BOLL: variants seen among roughly 807,000 people sequenced by gnomAD.
BOLL encodes the protein protein boule-like.
Under a neutral mutation model 44.4 loss-of-function variants are expected in BOLL, and 23 were observed. The ratio of observed to expected loss-of-function variants is 0.52; its 90% CI spans 0.37 to 0.73. The LOEUF (loss-of-function observed/expected upper bound fraction) is 0.73, where lower values mean the gene tolerates loss of function less well. Among genes scored for constraint, BOLL ranks in the 30% least tolerant of loss-of-function variants. BOLL has a pLI of 0.00. For missense variants in BOLL, 287 were observed against 338.3 expected (o/e 0.85, Z 1.19); for synonymous variants, 97 against 110.8 (o/e 0.88, Z 0.78).
chr2:197,781,773 T>A lies in BOLL; in HGVS notation c.78A>T (p.Arg26Ser), dbSNP rs1471500906. 6.2e-7 allele frequency: 1 copy of A among 1,606,452 alleles called. No homozygotes were observed. The highest frequency in any genetic ancestry group is 1.3e-5 in the African/African-American group (1 of 74,978). ...VPLNNPTSAPRYGTVIPNRIF... is the reference protein window; with the variant it reads ...VPLNNPTSAPSYGTVIPNRIF... The stretch of plus-strand genomic sequence containing the variant: ...TGCGATTAGGGATCACTGTTCCATA[T>A]CTTGGGGCACTTGTTGGGTTATTCA... Residue 26 changes from arginine (R) to serine (S), a missense_variant, in exon 2 of 11, where the codon AGA (arginine) becomes AGT (serine). Coordinates refer to ENST00000392296, the MANE Select transcript of BOLL (RefSeq NM_033030.6).
intron 10 of BOLL, among the ~76,000 whole-genome samples, chr2:197,729,827 A>G (rs1341907017): frequency 6.6e-6 from 1 of 151,712 alleles, no homozygotes; most frequent in Admixed American, 6.6e-5. Flanking sequence ...CACCATCATC[A>G]AAGACCAAAA....
rs974474879 is a variant in BOLL at position 197,728,945 on chromosome 2, T to A, written c.829-367A>T. Among the ~76,000 whole-genome samples, 3 of 152,164 alleles carry A rather than the reference T, an allele frequency of 2.0e-5. No homozygotes were observed. In the East Asian group the frequency reaches 5.8e-4, roughly 29 times the overall value. On this transcript the variant is annotated intron_variant, in intron 10 of 10. Transcript: ENST00000392296. ...GGGAATAGTATTTTTGGCAGGAGGC[T>A]ATTTAGAACGCTGTCCAGGGGAGGA...
At chr2:197,734,761 A>G (rs1687399939) in intron 10 of BOLL, among the ~76,000 whole-genome samples, 1 of 152,168 alleles carries the variant, frequency 6.6e-6, no homozygotes, top group African/African-American at 2.4e-5. Flanking sequence ...TTGAACAATG[A>G]GAAAACTTGG....
chr2:197,747,319 C>A (rs957554039), intron 9 of BOLL, among the ~76,000 whole-genome samples: 1 of 151,938 alleles, frequency 6.6e-6, no homozygotes, highest in African/African-American at 2.4e-5. Flanking sequence ...CGCAGTGGCT[C>A]ACGCCTGTAA....
At chr2:197,754,695 T>C (rs1688424818) in intron 9 of BOLL, among the ~76,000 whole-genome samples, 1 of 147,956 alleles carries the variant, frequency 6.8e-6, no homozygotes. Flanking sequence ...GCCTGGGCGA[T>C]GGAGCAAGAC....
intron 7 of BOLL, among the ~76,000 whole-genome samples, chr2:197,758,477 G>A (rs1688612632): frequency 6.6e-6 from 1 of 152,152 alleles, no homozygotes; most frequent in South Asian, 2.1e-4. Flanking sequence ...AGAAAAACAG[G>A]TAAGTAGATT....
chr2:197,755,955 G>A (rs2106348894), intron 9 of BOLL: 1 of 152,282 alleles, frequency 6.6e-6, no homozygotes, highest in East Asian at 1.9e-4. Context: ...GCATACAGAT[G>A]GTGAAGCTAT....
intron 7 of BOLL, among the ~76,000 whole-genome samples, chr2:197,761,828 C>G (rs1232646981): frequency 6.6e-6 from 1 of 152,046 alleles, no homozygotes; most frequent in Non-Finnish European, 1.5e-5. Context: ...AAACCAACTT[C>G]AAGTTAAAAG....
chr2:197,734,311 C>T (rs1687366092), intron 10 of BOLL, among the ~76,000 whole-genome samples: 1 of 151,980 alleles, frequency 6.6e-6, no homozygotes, highest in Non-Finnish European at 1.5e-5. Context: ...AGTCAGGAAA[C>T]AACAGGTGCT....
chr2:197,763,349 G>T (rs1159135895), intron 7 of BOLL, among the ~76,000 whole-genome samples: 1 of 151,572 alleles, frequency 6.6e-6, no homozygotes, highest in Non-Finnish European at 1.5e-5. Context: ...GGGTGTAGTG[G>T]CGGGCGCCTG....
intron 7 of BOLL, 87 bp from the exon 8 acceptor site, chr2:197,757,487 G>A (rs1688571135): frequency 8.8e-7 from 1 of 1,136,472 alleles, no homozygotes; most frequent in South Asian, 1.4e-5. Context: ...ATATGAAGTT[G>A]GACCCTCACA....
intron 10 of BOLL, among the ~76,000 whole-genome samples, chr2:197,730,813 G>T (rs997960953): frequency 2.2e-4 from 33 of 152,132 alleles, no homozygotes; most frequent in African/African-American, 7.7e-4. Context: ...CCTAAAGGAA[G>T]CACTAAACAT....
At chr2:197,768,681 A>T (rs984614113) in intron 6 of BOLL, among the ~76,000 whole-genome samples, 4 of 151,100 alleles carry the variant, frequency 2.6e-5, no homozygotes, top group Non-Finnish European at 5.9e-5. Flanking sequence ...AATAAAAAAT[A>T]GCATATATTC....
rs1309151497 is a variant in BOLL, at chr2:197,736,336, A to G, written c.828+6725T>C. Among the ~76,000 whole-genome samples, 3 of 152,132 alleles carry G rather than the reference A, an allele frequency of 2.0e-5. 1 individual carries two copies. The highest frequency in any genetic ancestry group is 7.2e-5 in the African/African-American group (3 of 41,458). ...ATGAAAGACAATAAAAGACTATGTAAATGTCACAGATTGGTGGAGAATAAG... is the reference window on the plus strand; with the variant it reads ...ATGAAAGACAATAAAAGACTATGTAGATGTCACAGATTGGTGGAGAATAAG... On this transcript the variant is annotated intron_variant, in intron 10 of 10. Coordinates refer to ENST00000392296, the MANE Select transcript of BOLL (RefSeq NM_033030.6).
intron 9 of BOLL, among the ~76,000 whole-genome samples, chr2:197,752,080 G>A (rs1326030857): frequency 6.6e-6 from 1 of 152,088 alleles, no homozygotes; most frequent in African/African-American, 2.4e-5. Context: ...CGCAGAAAAG[G>A]CCTTCAAAAA....
At chr2:197,758,902 C>A (rs778784816) in intron 7 of BOLL, 3 of 1,507,402 alleles carry the variant, frequency 2.0e-6, no homozygotes, top group South Asian at 2.4e-5. Context: ...TTGCTAAAGA[C>A]TTTTTAGATC....
chr2:197,731,751 G>A (rs1258058520), intron 10 of BOLL, among the ~76,000 whole-genome samples: 1 of 151,880 alleles, frequency 6.6e-6, no homozygotes, highest in Non-Finnish European at 1.5e-5. Context: ...AAATAAAGAT[G>A]TTCTTTGAAA....
rs565889172 is a variant in BOLL, at chr2:197,728,259, T to C, written c.*296A>G. 25 of 436,764 alleles carry C rather than the reference T, an allele frequency of 5.7e-5. No individual in the cohort carries two copies. The South Asian group carries it at 1.8e-3, about 32-fold the overall frequency. The allele number at this position is 436,764 out of a possible 1,614,324, so 27.1% of individuals were successfully genotyped here. A position where few individuals can be genotyped will look rare whatever the true frequency, so the allele number is the denominator to read the frequency against. ...AAAAGACACCTCACTATTCCCAATG[T>C]GGTTATTATTTATGGAATGGATAAA... On this transcript the variant is annotated 3_prime_UTR_variant, in exon 11 of 11. Coordinates refer to ENST00000392296, the MANE Select transcript of BOLL (RefSeq NM_033030.6).
chr2:197,748,687 T>G (rs1467398657), intron 9 of BOLL, among the ~76,000 whole-genome samples: 1 of 152,172 alleles, frequency 6.6e-6, no homozygotes, highest in Non-Finnish European at 1.5e-5. Flanking sequence ...CTTTCTAGAT[T>G]CCTCCTCTCT....
Sources: allele counts gnomAD v4.1 joint callset (sites outside exome capture counted in the v4.1 genomes callset), GRCh38; gene constraint gnomAD v4.1.1; transcripts MANE v1.5; gene names NCBI Gene and HGNC (gene_info 2026-07-23, HGNC 2026-07-21).